PCDH15: variants seen among roughly 807,000 people sequenced by gnomAD.
The protein encoded by PCDH15 is protocadherin-15.
Under a neutral mutation model 178.5 loss-of-function variants are expected in PCDH15, and 129 were observed. The observed-to-expected ratio is 0.72, with a 90% CI of 0.63 to 0.84. The LOEUF (loss-of-function observed/expected upper bound fraction) is 0.84. Ranked by LOEUF, PCDH15 falls within the 40% of genes least tolerant of loss-of-function variation. The pLI, the probability that PCDH15 is intolerant of heterozygous loss-of-function variation, is 0.00. For missense variants in PCDH15, 2,230 were observed against 2,099.9 expected (o/e 1.06, Z -1.21); for synonymous variants, 800 against 732.0 (o/e 1.09, Z -1.50).
Position 53,806,904 on chromosome 10 carries a change from C to A in PCDH15, c.4898G>T (p.Gly1633Val). 6.2e-7 allele frequency: 1 copy of A among 1,613,814 alleles called. No homozygotes were observed. Residue 1633 changes from glycine (G) to valine (V), a missense_variant, in exon 38 of 38, where the codon GGG (glycine) becomes GTG (valine). Transcript: ENST00000644397. ...LKVASPVRLG[G>V]PFKKLDKLAV... ...CAACTTGTCTAGTTTCTTAAAGGGC[C>A]CTCCCAGTCGAACAGGGGAAGCAAC...
chr10:53,992,405 ATTACTACTCTACT>A (rs1454464644), intron 21 of PCDH15, among the ~76,000 whole-genome samples: 1 of 152,212 alleles, frequency 6.6e-6, no homozygotes, highest in African/African-American at 2.4e-5. Context: ...ACATGTTCCA[ATTACTACTCTACT>A]TTAAACAAGA....
At chr10:54,756,792 C>T (rs1947193169) in intron 1 of PCDH15, among the ~76,000 whole-genome samples, 1 of 152,094 alleles carries the variant, frequency 6.6e-6, no homozygotes, top group African/African-American at 2.4e-5. Context: ...TGCCTTAGAA[C>T]AGGACAACAG....
At chr10:55,198,654 A>AT (rs570686890) in intron 1 of PCDH15, among the ~76,000 whole-genome samples, 5,981 of 142,504 alleles carry the variant, frequency 0.042, 234 homozygotes, top group African/African-American at 0.095. Flanking sequence ...CGCCCAGCTA[A>AT]TTTTTTTTTT....
intron 2 of PCDH15, among the ~76,000 whole-genome samples, chr10:55,590,535 T>G (rs759848184): frequency 6.6e-6 from 1 of 152,172 alleles, no homozygotes; most frequent in Admixed American, 6.6e-5. Flanking sequence ...ATCTCAATTT[T>G]GTAGACTTAT....
intron 10 of PCDH15, among the ~76,000 whole-genome samples, chr10:54,200,902 C>T (rs1015926273): frequency 1.3e-5 from 2 of 152,126 alleles, no homozygotes; most frequent in African/African-American, 4.8e-5. Context: ...ATTATGACTC[C>T]TAATTTCAAT....
intron 3 of PCDH15, among the ~76,000 whole-genome samples, chr10:54,811,563 C>T (rs748192918): frequency 2.2e-4 from 33 of 152,184 alleles, no homozygotes; most frequent in Admixed American, 6.5e-4. Flanking sequence ...CTCTGCCTCC[C>T]TAGTACAAGC....
At position 55,405,291 on chromosome 10, in the gene PCDH15, TATATATATATATAC is replaced by T. The variant is rs1434497675; in HGVS notation, c.-156+222320_-156+222333del. ...TGTAGTGTGAGGTAACAGATATATA[TATATATATATATAC>T]AATTTAATGTCATGTAATTAAAGAT... On this transcript the variant is annotated intron_variant, in intron 2 of 5. Coordinates refer to the PCDH15 transcript ENST00000613346. Among the ~76,000 whole-genome samples, 19 of 142,036 alleles carry T rather than the reference TATATATATATATAC, an allele frequency of 1.3e-4. 1 individual carries two copies. The highest frequency in any genetic ancestry group is 2.7e-4 in the Non-Finnish European group (17 of 63,730). 93.2% of individuals were successfully genotyped at this position (142,036 alleles called of 152,430 possible). A position where few individuals can be genotyped will look rare whatever the true frequency, so the allele number is the denominator to read the frequency against.
rs1361542673 is a variant in PCDH15 at position 53,810,610 on chromosome 10, C to A, written c.4617G>T (p.Gln1539His). 6 of 1,613,874 alleles carry A rather than the reference C, an allele frequency of 3.7e-6. No homozygotes were observed. The East Asian group carries it at 8.9e-5, about 24-fold the overall frequency. Residue 1539 changes from glutamine to histidine, a missense_variant, in exon 37 of 38, where the codon CAG becomes CAT. Transcript: ENST00000644397. ...CACCAACCACCTCACCATATTCCTC[C>A]TGTCCAGCTGGTGGTAACAATCGAC... ...SRRRLLPPAG[Q>H]EEYGEVVGEA...
intron 2 of PCDH15, among the ~76,000 whole-genome samples, chr10:55,140,490 T>C (rs1301170597): frequency 2.6e-5 from 4 of 151,982 alleles, no homozygotes; most frequent in Admixed American, 6.6e-5. Context: ...TTAGCCTATG[T>C]ATATATTAGA....
At chr10:54,306,128 C>T (rs1479887364) in intron 8 of PCDH15, among the ~76,000 whole-genome samples, 1 of 145,586 alleles carries the variant, frequency 6.9e-6, no homozygotes, top group African/African-American at 2.5e-5. Context: ...CATAGTAAGA[C>T]TCCAGGAAAA....
At chr10:55,565,216 A>G (rs1032467971) in intron 2 of PCDH15, among the ~76,000 whole-genome samples, 3 of 151,874 alleles carry the variant, frequency 2.0e-5, no homozygotes, top group African/African-American at 7.2e-5. Context: ...ATCAAAAAAT[A>G]TGTGGAAATT....
rs542240580 is a variant in PCDH15, at chr10:54,507,872, G to A, written c.157+19940C>T. Among the ~76,000 whole-genome samples the A allele has an allele frequency of 6.6e-5, 10 of 151,992 alleles. No homozygotes were observed. In the South Asian group the frequency reaches 1.9e-3, roughly 28 times the overall value. ...TTTCTTCATATTAAAATTTCAGTATGAATATTGCAACTTTTAGGATACTCA... is the reference window on the plus strand; with the variant it reads ...TTTCTTCATATTAAAATTTCAGTATAAATATTGCAACTTTTAGGATACTCA... On this transcript the variant is annotated intron_variant, in intron 3 of 37. Coordinates refer to ENST00000644397, the MANE Select transcript of PCDH15 (RefSeq NM_001384140.1).
chr10:53,809,459 G>A (rs1162558568), intron 37 of PCDH15: 2 of 1,613,910 alleles, frequency 1.2e-6, no homozygotes, highest in East Asian at 2.2e-5. Context: ...TCAGCTGCTG[G>A]TGGTTTTTCG....
chr10:55,131,606 T>C (rs1564823401), intron 2 of PCDH15, among the ~76,000 whole-genome samples: 1 of 152,074 alleles, frequency 6.6e-6, no homozygotes, highest in East Asian at 1.9e-4. Context: ...GATGCTTTAT[T>C]GAGTGTCATT....
chr10:54,804,948 T>TATATATATATATACAC (rs905516559), upstream of PCDH15, among the ~76,000 whole-genome samples: 1 of 127,242 alleles, frequency 7.9e-6, no homozygotes, highest in Admixed American at 8.0e-5. Context: ...TATATATATA[T>TATATATATATATACAC]ACAGAGTTTG....
chr10:53,905,975 TAAAAG>T (rs1163416024), intron 25 of PCDH15, among the ~76,000 whole-genome samples: 1 of 152,082 alleles, frequency 6.6e-6, no homozygotes, highest in Non-Finnish European at 1.5e-5. Flanking sequence ...TGTTTAGACT[TAAAAG>T]AACTTATACA....
intron 2 of PCDH15, chr10:55,468,445 C>T (rs896845654): frequency 6.6e-6 from 1 of 152,168 alleles, no homozygotes; most frequent in African/African-American, 2.4e-5. Context: ...CCACAATATT[C>T]TTAAATTTTA....
At chr10:54,046,981 GAACTA>G (rs1175540368) in intron 18 of PCDH15, among the ~76,000 whole-genome samples, 33 of 152,150 alleles carry the variant, frequency 2.2e-4, no homozygotes, top group South Asian at 4.1e-4. Context: ...AAACTGAACT[GAACTA>G]AAGTGAATAG....
intron 28 of PCDH15, among the ~76,000 whole-genome samples, chr10:53,856,251 A>T (rs532403789): frequency 5.3e-5 from 8 of 151,838 alleles, no homozygotes; most frequent in Admixed American, 3.9e-4. Context: ...AAGAAAAAAA[A>T]ATTTAAAATA....
Sources: allele counts gnomAD v4.1 joint callset (sites outside exome capture counted in the v4.1 genomes callset), GRCh38; gene constraint gnomAD v4.1.1; transcripts MANE v1.5; gene names NCBI Gene and HGNC (gene_info 2026-07-23, HGNC 2026-07-21).